TRIM71: variants seen among roughly 807,000 people sequenced by gnomAD.
TRIM71 encodes the protein E3 ubiquitin-protein ligase TRIM71.
In TRIM71, 9 loss-of-function variants were observed where a neutral mutation model predicts 61.2. The observed-to-expected ratio is 0.15, with a 90% CI of 0.09 to 0.26. TRIM71 has a LOEUF of 0.26. Among genes scored for constraint, TRIM71 ranks in the 10% least tolerant of loss-of-function variants. The probability of loss-of-function intolerance (pLI) is 1.00; values close to 1 mark genes in which losing one functional copy is unlikely to be tolerated. For synonymous variants in TRIM71, 645 were observed against 553.2 expected, an observed-to-expected ratio of 1.17 and a Z score of -2.33; for missense variants, 998 against 1,238.7, an observed-to-expected ratio of 0.81 and a Z score of 2.92.
At chr3:32,889,155 A>C (rs142743815) in intron 3 of TRIM71, among the ~76,000 whole-genome samples, 1 of 152,322 alleles carries the variant, frequency 6.6e-6, no homozygotes, top group African/African-American at 2.4e-5. Flanking sequence ...CTGTGTGAGC[A>C]AGGACCATAT....
chr3:32,827,619 A>G (rs1377047359), intron 1 of TRIM71, among the ~76,000 whole-genome samples: 3 of 152,186 alleles, frequency 2.0e-5, no homozygotes, highest in Admixed American at 6.5e-5. Flanking sequence ...AGAATAGCAC[A>G]TTTTGTCAAC....
In TRIM71 at chr3:32,874,841, A is replaced by T. The variant is rs76670676; in HGVS notation, c.1020+856A>T. Among the ~76,000 whole-genome samples, 104 of 146,562 alleles carry T rather than the reference A, an allele frequency of 7.1e-4. No homozygotes were observed. In the East Asian group the frequency reaches 0.015, roughly 21 times the overall value. On this transcript the variant is annotated intron_variant, in intron 2 of 3. Transcript: ENST00000383763. ...CCTTTTATTTATTTGTGTTTTTGAGACAAGAGTCTCACTCTGTCACCCAGG... is the reference window on the plus strand; with the variant it reads ...CCTTTTATTTATTTGTGTTTTTGAGTCAAGAGTCTCACTCTGTCACCCAGG...
chr3:32,868,700 T>TAA (rs1230451614), intron 1 of TRIM71, among the ~76,000 whole-genome samples: 1 of 150,306 alleles, frequency 6.7e-6, no homozygotes, highest in African/African-American at 2.5e-5. Context: ...TTTTTTTTTT[T>TAA]AAAAAACTGT....
At chr3:32,882,730 G>T (rs910412183) in intron 2 of TRIM71, among the ~76,000 whole-genome samples, 2 of 152,008 alleles carry the variant, frequency 1.3e-5, no homozygotes, top group African/African-American at 4.8e-5. Flanking sequence ...TTTTTGTAGA[G>T]ACGGGGTCTC....
At chr3:32,847,735 G>C (rs1696491984) in intron 1 of TRIM71, among the ~76,000 whole-genome samples, 1 of 152,204 alleles carries the variant, frequency 6.6e-6, no homozygotes, top group African/African-American at 2.4e-5. Flanking sequence ...CTGACAAGCA[G>C]AGATTCGCCT....
At chr3:32,863,969 C>T (rs1469691298) in intron 1 of TRIM71, among the ~76,000 whole-genome samples, 1 of 152,216 alleles carries the variant, frequency 6.6e-6, no homozygotes. Context: ...AGGCATGAGC[C>T]ACCACGCCTG....
At chr3:32,853,302 T>C (rs1038030527) in intron 1 of TRIM71, among the ~76,000 whole-genome samples, 1 of 151,778 alleles carries the variant, frequency 6.6e-6, no homozygotes, top group Admixed American at 6.6e-5. Flanking sequence ...TATTTTTAGT[T>C]GAGATGGGGT....
At chr3:32,860,826 G>C (rs1356547370) in intron 1 of TRIM71, among the ~76,000 whole-genome samples, 1 of 152,168 alleles carries the variant, frequency 6.6e-6, no homozygotes, top group African/African-American at 2.4e-5. Context: ...TGCAGGGTAG[G>C]TTTCCCACTT....
Position 32,873,929 on chromosome 3 carries a change from C to G in TRIM71, c.964C>G (p.Arg322Gly). Reference sequence around the variant, plus strand: ...CCTCCAGGAGGCACTGCAGGACTCACGGGCACTCACCATCCAGCTGCTGGC... The same window carrying G: ...CCTCCAGGAGGCACTGCAGGACTCAGGGGCACTCACCATCCAGCTGCTGGC... ...IYLQEALQDS[R>G]ALTIQLLADA... is the part of the protein sequence containing the mutation. The change falls in exon 2 of 4, where the codon CGG becomes GGG. Residue 322 changes from arginine (R) to glycine (G), a missense_variant. Arg to Gly is a moderately radical substitution (Grantham distance 125). Around this residue, in one of 5 missense-constraint regions of TRIM71, gnomAD observed 291 missense variants for 431.2 expected, o/e 0.67. Transcript: ENST00000383763. 1.2e-6 allele frequency: 2 copies of G among 1,613,846 alleles called. No homozygotes were observed. Among genetic ancestry groups the G allele is most frequent in the Non-Finnish European group, 1.7e-6 (2 of 1,179,890 alleles).
chr3:32,856,079 G>C (rs544222685), intron 1 of TRIM71, among the ~76,000 whole-genome samples: 6 of 152,118 alleles, frequency 3.9e-5, no homozygotes, highest in Admixed American at 3.3e-4. Flanking sequence ...GTGCAGTGGC[G>C]CAATCTGGGC....
Position 32,890,380 on chromosome 3 carries a change from G to A in TRIM71, c.1176G>A (p.Val392=), listed in dbSNP as rs267599770. ...LLWKVEKIRQ[V]KAKSLYLQVE... ...TCCAGGTAGAAAAGATCCGCCAGGT[G>A]AAAGCCAAGTCTCTGTACCTGCAGG... Residue 392 remains valine, a synonymous_variant, in exon 4 of 4, where the codon GTG becomes GTA. Transcript: ENST00000383763. The surrounding 1 kb of genome is among the most constrained non-coding windows in gnomAD (Gnocchi z 6.2). The A allele has an allele frequency of 1.5e-5, 24 of 1,609,662 alleles. No homozygotes were observed. The highest frequency in any genetic ancestry group is 2.7e-5 in the African/African-American group (2 of 74,976).
At position 32,818,435 on chromosome 3, in the gene TRIM71, C is replaced by T; in HGVS notation, c.355C>T (p.Leu119=). Residue 119 remains leucine, a synonymous_variant, in exon 1 of 4, where the codon CTG becomes TTG. Coordinates refer to ENST00000383763, the MANE Select transcript of TRIM71 (RefSeq NM_001039111.3). ...TTCGTCCGCCTTCCTGCTTAGCAACCTGCTCGACGCGGTGGTGGCCACTGC... is the reference window on the plus strand; with the variant it reads ...TTCGTCCGCCTTCCTGCTTAGCAACTTGCTCGACGCGGTGGTGGCCACTGC... ...LPSSAFLLSN[L]LDAVVATADE... 6.8e-7 allele frequency: 1 copy of T among 1,474,174 alleles called. No homozygotes were observed. Among genetic ancestry groups the T allele is most frequent in the Non-Finnish European group, 8.9e-7 (1 of 1,117,358 alleles). 91.3% of individuals were successfully genotyped at this position (1,474,174 alleles called of 1,614,324 possible).
chr3:32,838,643 C>T (rs1696363322), intron 1 of TRIM71, among the ~76,000 whole-genome samples: 1 of 151,526 alleles, frequency 6.6e-6, no homozygotes, highest in African/African-American at 2.4e-5. Context: ...GGAGCTAAAG[C>T]TCTTTGGTCC....
At position 32,897,622 on chromosome 3, in the gene TRIM71, T is replaced by C. The variant is rs1465700472; in HGVS notation, c.*5811T>C. The C allele has an allele frequency of 3.3e-5, 5 of 152,160 alleles. No individual in the cohort carries two copies. Among genetic ancestry groups the C allele is most frequent in the African/African-American group, 1.2e-4 (5 of 41,430 alleles). 9.4% of individuals were successfully genotyped at this position (152,160 alleles called of 1,614,324 possible). A position where few individuals can be genotyped will look rare whatever the true frequency, so the allele number is the denominator to read the frequency against. ...AGCAGGTGAAGAACCAATGGAAAAG[T>C]GTTCAAAAACTCCTGTGTTAGCTAA... On this transcript the variant is annotated 3_prime_UTR_variant, in exon 4 of 4. Transcript: ENST00000383763.
At position 32,869,562 on chromosome 3, in the gene TRIM71, C is replaced by T. The variant is rs1025737411; in HGVS notation, c.853-4256C>T. Among the ~76,000 whole-genome samples the T allele has an allele frequency of 1.1e-4, 16 of 152,344 alleles. 1 individual carries two copies. The South Asian group carries it at 1.2e-3, about 12-fold the overall frequency. ...ACGTGCATTTGCATGTGCACACATG[C>T]GTGCACACACGTTCATTAACAAAGC... On this transcript the variant is annotated intron_variant, in intron 1 of 3. Transcript: ENST00000383763.
chr3:32,825,741 A>G (rs1696193652), intron 1 of TRIM71, among the ~76,000 whole-genome samples: 1 of 152,212 alleles, frequency 6.6e-6, no homozygotes. Flanking sequence ...TAAGGGAGCA[A>G]GATGCCACCC....
chr3:32,853,122 T>TC (rs1696557715), intron 1 of TRIM71, among the ~76,000 whole-genome samples: 1 of 9,526 alleles, frequency 1.0e-4, no homozygotes, highest in African/African-American at 1.5e-4. Context: ...CTCTCTCTCT[T>TC]TTTTTTTTTT....
chr3:32,822,288 G>C (rs1391150523), intron 1 of TRIM71, among the ~76,000 whole-genome samples: 2 of 152,144 alleles, frequency 1.3e-5, no homozygotes, highest in Non-Finnish European at 2.9e-5. Flanking sequence ...GCAGGTCTGG[G>C]GGTGGCGTTT....
At chr3:32,877,742 T>C (rs1158836350) in intron 2 of TRIM71, among the ~76,000 whole-genome samples, 2 of 152,124 alleles carry the variant, frequency 1.3e-5, no homozygotes, top group East Asian at 1.9e-4. Context: ...ATCTTCAAGC[T>C]CCAGTTCTAA....
Sources: allele counts gnomAD v4.1 joint callset (sites outside exome capture counted in the v4.1 genomes callset), GRCh38; gene constraint gnomAD v4.1.1; regional missense constraint gnomAD v4.1.1; non-coding constraint Gnocchi (gnomAD v3.1); transcripts MANE v1.5; gene names NCBI Gene and HGNC (gene_info 2026-07-23, HGNC 2026-07-21).